CTNNA3: variants seen among roughly 807,000 people sequenced by gnomAD.
CTNNA3 encodes catenin alpha 3.
CTNNA3 carries 76 observed loss-of-function variants against 95.7 expected under a neutral mutation model. The observed-to-expected ratio is 0.79, with a 90% CI of 0.66 to 0.96. The LOEUF (loss-of-function observed/expected upper bound fraction) is 0.96. Among genes scored for constraint, CTNNA3 ranks in the 40% least tolerant of loss-of-function variants. CTNNA3 has a pLI of 0.00. For missense variants in CTNNA3, 1,191 were observed against 1,089.8 expected (o/e 1.09, Z -1.31); for synonymous variants, 431 against 374.4 (o/e 1.15, Z -1.74).
intron 10 of CTNNA3, among the ~76,000 whole-genome samples, chr10:66,574,031 C>T (rs1842939541): frequency 6.6e-6 from 1 of 152,032 alleles, no homozygotes; most frequent in Non-Finnish European, 1.5e-5. Flanking sequence ...TATCTGTGAT[C>T]CTTTTCAAAC....
chr10:67,533,195 A>G (rs573300048), intron 4 of CTNNA3, among the ~76,000 whole-genome samples: 2 of 152,122 alleles, frequency 1.3e-5, no homozygotes, highest in East Asian at 3.9e-4. Context: ...ATGGTGGTGC[A>G]CACCTGTAAT....
intron 12 of CTNNA3, among the ~76,000 whole-genome samples, chr10:66,300,737 T>C (rs2091849752): frequency 6.6e-6 from 1 of 151,698 alleles, no homozygotes; most frequent in Non-Finnish European, 1.5e-5. Flanking sequence ...AAAAAAAAAT[T>C]AAAGTCTATA....
intron 13 of CTNNA3, among the ~76,000 whole-genome samples, chr10:66,225,978 G>C (rs56350854): frequency 0.12 from 17,519 of 152,074 alleles, 1,081 homozygotes; most frequent in Middle Eastern, 0.18. Flanking sequence ...CTTGTCAAAT[G>C]AGTAGTATGC....
chr10:67,510,015 C>T (rs1214505185), intron 5 of CTNNA3, among the ~76,000 whole-genome samples: 1 of 152,192 alleles, frequency 6.6e-6, no homozygotes, highest in African/African-American at 2.4e-5. Flanking sequence ...TGTTCATATC[C>T]TTTCCTGACT....
chr10:67,196,006 C>G (rs944643592), intron 6 of CTNNA3, among the ~76,000 whole-genome samples: 2 of 151,974 alleles, frequency 1.3e-5, no homozygotes, highest in Non-Finnish European at 2.9e-5. Flanking sequence ...AAAACACATG[C>G]TATGCTTCAC....
intron 7 of CTNNA3, among the ~76,000 whole-genome samples, chr10:66,871,758 C>A (rs1314990952): frequency 1.3e-5 from 2 of 152,028 alleles, no homozygotes; most frequent in Non-Finnish European, 1.5e-5. Flanking sequence ...GAGAGGAGAA[C>A]TCATCAATAA....
intron 5 of CTNNA3, among the ~76,000 whole-genome samples, chr10:67,371,946 T>C (rs1297494181): frequency 1.3e-5 from 2 of 152,198 alleles, no homozygotes; most frequent in Non-Finnish European, 2.9e-5. Context: ...TGGTATCTCA[T>C]TGTGGTTTTG....
chr10:67,350,414 C>T (rs74142497), intron 5 of CTNNA3, among the ~76,000 whole-genome samples: 2,707 of 151,998 alleles, frequency 0.018, 86 homozygotes, highest in African/African-American at 0.06. Flanking sequence ...AAAGTTCAGT[C>T]CTAATCCACA....
intron 9 of CTNNA3, among the ~76,000 whole-genome samples, chr10:66,662,744 C>T (rs993165098): frequency 5.3e-5 from 8 of 151,892 alleles, no homozygotes; most frequent in African/African-American, 1.9e-4. Context: ...AGATTATTTC[C>T]ATCAGCATTC....
rs145905923 is a variant in CTNNA3, at chr10:66,596,663, C to T, written c.1374+25029G>A. ...TCTGAAAGACCCCCAAAATCTCCAA[C>T]GGGGCTGACTGGTCAAGGTTTTTCT... On this transcript the variant is annotated intron_variant, in intron 10 of 17. Coordinates refer to ENST00000433211, the MANE Select transcript of CTNNA3 (RefSeq NM_013266.4). Among the ~76,000 whole-genome samples, 55 of 152,198 alleles carry T rather than the reference C, an allele frequency of 3.6e-4. 1 individual carries two copies. The East Asian group carries it at 5.8e-3, about 16-fold the overall frequency.
chr10:67,273,097 G>A (rs1418525014), intron 5 of CTNNA3, among the ~76,000 whole-genome samples: 4 of 152,176 alleles, frequency 2.6e-5, no homozygotes, highest in African/African-American at 7.2e-5. Flanking sequence ...TATTACTCAT[G>A]AGACTATGGA....
chr10:66,330,958 T>G (rs1194692576), intron 12 of CTNNA3, among the ~76,000 whole-genome samples: 2 of 152,146 alleles, frequency 1.3e-5, no homozygotes, highest in African/African-American at 4.8e-5. Flanking sequence ...TTGAAGATTC[T>G]GGATATTAGC....
intron 7 of CTNNA3, among the ~76,000 whole-genome samples, chr10:67,014,265 A>T (rs907993741): frequency 1.1e-4 from 17 of 152,154 alleles, no homozygotes; most frequent in African/African-American, 4.1e-4. Context: ...ATCCCTTATA[A>T]AATTGATGCA....
Position 67,521,830 on chromosome 10 carries a change from T to TCTGACTCCTACCTG in CTNNA3, c.577_579+11dup, listed in dbSNP as rs1318598541. 2 of 1,612,682 alleles carry TCTGACTCCTACCTG rather than the reference T, an allele frequency of 1.2e-6. No homozygotes were observed. The highest frequency in any genetic ancestry group is 1.7e-6 in the Non-Finnish European group (2 of 1,179,228). On this transcript the variant is annotated intron_variant, in intron 5 of 17. Coordinates refer to ENST00000433211, the MANE Select transcript of CTNNA3 (RefSeq NM_013266.4). Reference sequence around the variant, plus strand: ...GTTCATCTCCTCCACCAAGGAGAGCTCTGACTCCTACCTGCTGACGTTTGA... The same window carrying TCTGACTCCTACCTG: ...GTTCATCTCCTCCACCAAGGAGAGCTCTGACTCCTACCTGCTGACTCCTACCTGCTGACGTTTGA...
intron 5 of CTNNA3, among the ~76,000 whole-genome samples, chr10:67,247,945 C>T (rs1865965789): frequency 6.6e-6 from 1 of 152,152 alleles, no homozygotes; most frequent in Non-Finnish European, 1.5e-5. Context: ...ATGTAATAGA[C>T]ATCAGAGTCC....
At chr10:66,838,729 A>G (rs78760027) in intron 7 of CTNNA3, among the ~76,000 whole-genome samples, 11,077 of 152,204 alleles carry the variant, frequency 0.073, 539 homozygotes, top group Middle Eastern at 0.12. Flanking sequence ...GGTGCATAGA[A>G]CCTACTTAAT....
chr10:66,432,493 C>T (rs12241295), intron 11 of CTNNA3, among the ~76,000 whole-genome samples: 17,757 of 151,866 alleles, frequency 0.12, 1,507 homozygotes, highest in African/African-American at 0.24. Context: ...CCCATCTCTA[C>T]TAAAAATACA....
chr10:66,137,851 A>C (rs1459473797), intron 13 of CTNNA3, among the ~76,000 whole-genome samples: 3 of 152,016 alleles, frequency 2.0e-5, no homozygotes, highest in African/African-American at 7.2e-5. Context: ...TCTGGAGGCT[A>C]ATGTCGGGGG....
At chr10:67,583,405 G>A (rs1457120847) in intron 3 of CTNNA3, among the ~76,000 whole-genome samples, 2 of 152,210 alleles carry the variant, frequency 1.3e-5, no homozygotes, top group Non-Finnish European at 2.9e-5. Flanking sequence ...CTTCTGGCTT[G>A]TAGAGTTTCT....
Sources: allele counts gnomAD v4.1 joint callset (sites outside exome capture counted in the v4.1 genomes callset), GRCh38; gene constraint gnomAD v4.1.1; transcripts MANE v1.5; gene names NCBI Gene and HGNC (gene_info 2026-07-23, HGNC 2026-07-21).